The following IQGAP2 variants were observed in gnomAD, a reference collection of about 807,000 sequenced individuals.
IQGAP2 encodes the protein ras GTPase-activating-like protein IQGAP2.
A neutral mutation model predicts 201.3 loss-of-function variants in IQGAP2; 173 were observed. The ratio of observed to expected loss-of-function variants is 0.86; its 90% CI spans 0.76 to 0.98. IQGAP2 has a LOEUF of 0.98. Among genes scored for constraint, IQGAP2 ranks in the 50% least tolerant of loss-of-function variants. The probability of loss-of-function intolerance (pLI) is 0.00; values close to 1 mark genes in which losing one functional copy is unlikely to be tolerated. For missense variants in IQGAP2, 1,687 were observed against 1,864.8 expected (o/e 0.90, Z 1.76); for synonymous variants, 675 against 673.9 (o/e 1.00, Z -0.03).
At chr5:76,439,771 C>G (rs1381079278) in intron 1 of IQGAP2, among the ~76,000 whole-genome samples, 1 of 152,140 alleles carries the variant, frequency 6.6e-6, no homozygotes, top group Non-Finnish European at 1.5e-5. Flanking sequence ...TTGAAGAAAG[C>G]AGATATTTGG....
At chr5:76,678,940 T>G (rs993502661) in intron 28 of IQGAP2, among the ~76,000 whole-genome samples, 2 of 152,202 alleles carry the variant, frequency 1.3e-5, no homozygotes, top group African/African-American at 4.8e-5. Flanking sequence ...AAGCTCTCAA[T>G]ACATACTGAT....
intron 1 of IQGAP2, among the ~76,000 whole-genome samples, chr5:76,421,702 A>G (rs1288139611): frequency 1.3e-5 from 2 of 152,200 alleles, no homozygotes; most frequent in African/African-American, 2.4e-5. Context: ...ACAGTTTTTC[A>G]TTTACATTAA....
rs757624337 is a variant in IQGAP2 at position 76,658,539 on chromosome 5, G to A, written c.2401G>A (p.Glu801Lys). 1 of 1,614,034 alleles carries A rather than the reference G, an allele frequency of 6.2e-7. No homozygotes were observed. Among genetic ancestry groups the A allele is most frequent in the Admixed American group, 1.7e-5 (1 of 60,012 alleles). Residue 801 changes from glutamate to lysine, a missense_variant, in exon 21 of 36, where the codon GAA becomes AAA. Transcript: ENST00000274364. ...LDQSDLDFQE[E>K]LEVARLREEV... is the part of the protein sequence containing the mutation. ...CCAAAGTGATTTGGATTTCCAGGAG[G>A]AACTAGAGGTTGCACGATTAAGGGA... is the stretch of plus-strand genomic sequence containing the variant.
At chr5:76,561,307 G>C (rs1282376793) in intron 2 of IQGAP2, among the ~76,000 whole-genome samples, 3 of 152,164 alleles carry the variant, frequency 2.0e-5, no homozygotes, top group Non-Finnish European at 4.4e-5. Flanking sequence ...TTAGGGGCTT[G>C]TTGAACTTCT....
At chr5:76,574,118 C>T (rs1308309043) in intron 4 of IQGAP2, among the ~76,000 whole-genome samples, 3 of 152,128 alleles carry the variant, frequency 2.0e-5, no homozygotes, top group Non-Finnish European at 2.9e-5. Flanking sequence ...GTATCACGTA[C>T]TACCATATGA....
chr5:76,562,872 C>T (rs890416486), intron 3 of IQGAP2, among the ~76,000 whole-genome samples: 1 of 152,120 alleles, frequency 6.6e-6, no homozygotes, highest in Non-Finnish European at 1.5e-5. Context: ...CCTTTTTTCA[C>T]TTGAACTTGT....
In IQGAP2 at chr5:76,654,943, A is replaced by G; in HGVS notation, c.2260A>G (p.Ile754Val). 6.2e-7 allele frequency: 1 copy of G among 1,610,422 alleles called. No homozygotes were observed. The highest frequency in any genetic ancestry group is 8.5e-7 in the Non-Finnish European group (1 of 1,176,776). ...TCTTAATCTTTTGCAGAATAATGAA[A>G]TTGTGAAAATACAGTCACTGTTGAG... The part of the protein sequence containing the change: ...LQYFRDHNNE[I>V]VKIQSLLRAN... The change falls in exon 20 of 36, where the codon ATT (isoleucine) becomes GTT (valine). Residue 754 changes from isoleucine (I) to valine (V), a missense_variant. Coordinates refer to ENST00000274364, the MANE Select transcript of IQGAP2 (RefSeq NM_006633.5).
At chr5:76,573,924 G>A (rs888957561) in intron 4 of IQGAP2, among the ~76,000 whole-genome samples, 5 of 151,958 alleles carry the variant, frequency 3.3e-5, no homozygotes, top group African/African-American at 1.2e-4. Flanking sequence ...CTGAATTTAG[G>A]GATCCTCTTC....
At chr5:76,697,177 T>C (rs1317036441) in intron 32 of IQGAP2, among the ~76,000 whole-genome samples, 1 of 152,214 alleles carries the variant, frequency 6.6e-6, no homozygotes, top group Non-Finnish European at 1.5e-5. Flanking sequence ...CAAGTAATAG[T>C]TATCAATGTT....
At chr5:76,409,410 C>T (rs1477985820) in intron 1 of IQGAP2, among the ~76,000 whole-genome samples, 1 of 151,788 alleles carries the variant, frequency 6.6e-6, no homozygotes, top group Non-Finnish European at 1.5e-5. Flanking sequence ...CCATGCCTGG[C>T]TAATTTTTGT....
rs114677303 is a variant in IQGAP2, at chr5:76,641,778, G to T, written c.2094+675G>T. Reference sequence around the variant, plus strand: ...GTTCTTTTTATTGTGAGTTCAAAGGGGTATTATTAACAACTGGTAAAGTCT... The same window carrying T: ...GTTCTTTTTATTGTGAGTTCAAAGGTGTATTATTAACAACTGGTAAAGTCT... On this transcript the variant is annotated intron_variant, in intron 17 of 35. Transcript: ENST00000274364. 8.9e-3 allele frequency among the ~76,000 whole-genome samples: 1,347 copies of T among 152,090 alleles called. 18 individuals are homozygous for T. The highest frequency in any genetic ancestry group is 0.03 in the African/African-American group (1,261 of 41,486).
chr5:76,603,365 G>A (rs1479514623), intron 11 of IQGAP2, among the ~76,000 whole-genome samples: 8 of 152,004 alleles, frequency 5.3e-5, no homozygotes, highest in Non-Finnish European at 7.3e-5. Context: ...AGGAGCATAT[G>A]CCTTGGAACC....
chr5:76,698,226 G>T, intron 33 of IQGAP2, 79 bp downstream of exon 33: 1 of 1,118,212 alleles, frequency 8.9e-7, no homozygotes, highest in Non-Finnish European at 1.3e-6. Flanking sequence ...TAGGCAGTTG[G>T]GTTGGGTATG....
chr5:76,489,505 A>G (rs1756396802), intron 2 of IQGAP2, among the ~76,000 whole-genome samples: 1 of 151,932 alleles, frequency 6.6e-6, no homozygotes, highest in Non-Finnish European at 1.5e-5. Flanking sequence ...TCTGTCCCCC[A>G]GGCTGGAGTG....
intron 2 of IQGAP2, among the ~76,000 whole-genome samples, chr5:76,536,475 T>TA (rs1307983431): frequency 6.6e-6 from 1 of 151,830 alleles, no homozygotes; most frequent in Non-Finnish European, 1.5e-5. Context: ...GAACTGGTAA[T>TA]ACAGCCGGGC....
At position 76,420,374 on chromosome 5, in the gene IQGAP2, CTT is replaced by C. The variant is rs36086215; in HGVS notation, c.46+16801_46+16802del. On this transcript the variant is annotated intron_variant, in intron 1 of 35. Transcript: ENST00000274364. ...CCATCATCACGATCTATCTTTGGAACTTTTTTTTTTTTTTTTTTTGAGACAGA... is the reference window on the plus strand; with the variant it reads ...CCATCATCACGATCTATCTTTGGAACTTTTTTTTTTTTTTTTTGAGACAGA... Among the ~76,000 whole-genome samples the C allele has an allele frequency of 9.5e-4, 116 of 122,108 alleles. 1 individual carries two copies. The highest frequency in any genetic ancestry group is 3.2e-3 in the East Asian group (13 of 4,042). The allele number at this position is 122,108 out of a possible 152,430, so 80.1% of individuals were successfully genotyped here.
intron 21 of IQGAP2, among the ~76,000 whole-genome samples, chr5:76,659,128 C>T (rs1317772074): frequency 1.3e-5 from 2 of 152,058 alleles, no homozygotes; most frequent in Non-Finnish European, 2.9e-5. Context: ...AAGTTTTTAT[C>T]GTTTTTATTA....
chr5:76,539,106 T>A (rs183540683), intron 2 of IQGAP2, among the ~76,000 whole-genome samples: 130 of 152,324 alleles, frequency 8.5e-4, no homozygotes, highest in African/African-American at 2.8e-3. Context: ...CTCCTCCTTC[T>A]AGTGAGTGTC....
At chr5:76,614,399 T>C (rs1748708496) in intron 13 of IQGAP2, among the ~76,000 whole-genome samples, 1 of 152,176 alleles carries the variant, frequency 6.6e-6, no homozygotes, top group Non-Finnish European at 1.5e-5. Context: ...TGAAATATAC[T>C]GGCAATTACT....
Sources: gnomAD v4.1 joint callset for allele counts (sites outside exome capture counted in the v4.1 genomes callset) on GRCh38, gnomAD v4.1.1 for gene constraint, MANE v1.5 for transcripts, NCBI Gene and HGNC (gene_info 2026-07-23, HGNC 2026-07-21) for gene names.